Variants in WDR62 observed in about 807,000 individuals in gnomAD.
WDR62 encodes WD repeat-containing protein 62.
WDR62 carries 112 observed loss-of-function variants against 160.6 expected under a neutral mutation model. The observed-to-expected ratio is 0.70, with a 90% CI of 0.60 to 0.82. The LOEUF is 0.82. Ranked by LOEUF, WDR62 falls within the 40% of genes least tolerant of loss-of-function variation. The pLI is 0.00. For missense variants in WDR62, 1,819 were observed against 1,983.8 expected (o/e 0.92, Z 1.58); for synonymous variants, 792 against 815.1 (o/e 0.97, Z 0.48).
chr19:36,109,749 ACAAAAC>A (rs1973772891), downstream of WDR62, among the ~76,000 whole-genome samples: 6 of 145,638 alleles, frequency 4.1e-5, no homozygotes, highest in African/African-American at 1.5e-4. Context: ...ACAAAACAAA[ACAAAAC>A]AAAAAAAATA....
chr19:36,094,114 G>C lies in WDR62; in HGVS notation c.2417G>C (p.Cys806Ser), dbSNP rs1335628357. 1 of 1,614,204 alleles carries C rather than the reference G, an allele frequency of 6.2e-7. No homozygotes were observed. Among genetic ancestry groups the C allele is most frequent in the Non-Finnish European group, 8.5e-7 (1 of 1,180,028 alleles). The change falls in exon 20 of 32, where the codon TGT (cysteine) becomes TCT (serine). Residue 806 changes from cysteine to serine, a missense_variant. Coordinates refer to ENST00000401500, the MANE Select transcript of WDR62 (RefSeq NM_001083961.2). The stretch of plus-strand genomic sequence containing the variant: ...ACAGAGGATGATCTGGAGGAAGAGT[G>C]TGAGCCAGAAGAGATGCTGAAGACA... ...EQTEDDLEEE[C>S]EPEEMLKTPS...
At chr19:36,080,692 T>A (rs1599790281) in intron 9 of WDR62, among the ~76,000 whole-genome samples, 1 of 151,938 alleles carries the variant, frequency 6.6e-6, no homozygotes. Context: ...TGACCTCAGG[T>A]GATCCGCCCA....
At chr19:36,058,388 C>CA (rs1212207940) in intron 1 of WDR62, among the ~76,000 whole-genome samples, 6 of 152,318 alleles carry the variant, frequency 3.9e-5, no homozygotes, top group East Asian at 1.9e-4. Flanking sequence ...AACTTATTCA[C>CA]AGGTCACCTT....
intron 12 of WDR62, 66 bp downstream of exon 12, chr19:36,084,810 A>G: frequency 6.8e-7 from 1 of 1,465,670 alleles, no homozygotes; most frequent in South Asian, 1.1e-5. Context: ...AGGGCCACAG[A>G]AAGGGGTAGT....
rs760031538 is a variant in WDR62 at position 36,067,340 on chromosome 19, G to A, written c.596G>A (p.Cys199Tyr). ...DIVVASNKVS[C>Y]RVIALSFSED... is the part of the protein sequence containing the mutation. The stretch of plus-strand genomic sequence containing the variant: ...GTAGTGGCCTCCAACAAGGTATCTT[G>A]TAGAGTCATTGCCCTCTCCTTCTCA... Residue 199 changes from cysteine to tyrosine, a missense_variant, in exon 6 of 32, where the codon TGT becomes TAT. Cys to Tyr is a radical substitution (Grantham distance 194). Around this residue, in one of 3 missense-constraint regions of WDR62, gnomAD observed 934 missense variants for 1,157.2 expected, o/e 0.81. Coordinates refer to ENST00000401500, the MANE Select transcript of WDR62 (RefSeq NM_001083961.2). 3 of 1,614,076 alleles carry A rather than the reference G, an allele frequency of 1.9e-6. No individual in the cohort carries two copies. The highest frequency in any genetic ancestry group is 1.7e-5 in the Admixed American group (1 of 60,010).
the WDR62 span, among the ~76,000 whole-genome samples, chr19:36,110,276 G>A: frequency 1.3e-5 from 2 of 152,072 alleles, no homozygotes; most frequent in Admixed American, 1.3e-4. Context: ...TTCAAGACTA[G>A]CCTGGCCAAC....
At chr19:36,056,344 G>A (rs1304532683) in intron 1 of WDR62, among the ~76,000 whole-genome samples, 1 of 152,074 alleles carries the variant, frequency 6.6e-6, no homozygotes, top group Non-Finnish European at 1.5e-5. Context: ...TGGCTACAGG[G>A]CTCTGGCTGT....
intron 6 of WDR62, 115 bp from the exon 7 acceptor site, chr19:36,067,713 C>T (rs562042312): frequency 1.6e-6 from 2 of 1,263,128 alleles, no homozygotes; most frequent in East Asian, 2.4e-5. Context: ...GTTTTCTTCC[C>T]TTCTCCATTT....
At chr19:36,086,392 T>C (rs796856345) in intron 12 of WDR62, among the ~76,000 whole-genome samples, 2 of 152,248 alleles carry the variant, frequency 1.3e-5, no homozygotes, top group African/African-American at 4.8e-5. Context: ...GCAAGAGCGC[T>C]GGGCTCTGCT....
At chr19:36,093,823 T>C (rs1379241361) in intron 19 of WDR62, among the ~76,000 whole-genome samples, 2 of 152,230 alleles carry the variant, frequency 1.3e-5, no homozygotes, top group African/African-American at 4.8e-5. Flanking sequence ...CATTCGTTTG[T>C]AGCCTGGCCT....
chr19:36,095,268 G>A (rs1197384940), intron 20 of WDR62, among the ~76,000 whole-genome samples: 1 of 152,120 alleles, frequency 6.6e-6, no homozygotes, highest in Non-Finnish European at 1.5e-5. Context: ...TTTACTAGGG[G>A]AAAAGATACC....
chr19:36,098,576 AAAG>A (rs1973120847), intron 21 of WDR62, among the ~76,000 whole-genome samples: 1 of 151,926 alleles, frequency 6.6e-6, no homozygotes. Flanking sequence ...AAAAAAAAAA[AAAG>A]AAAGACAATG....
intron 15 of WDR62, among the ~76,000 whole-genome samples, chr19:36,089,956 T>C (rs1219484359): frequency 6.6e-6 from 1 of 152,214 alleles, no homozygotes; most frequent in Non-Finnish European, 1.5e-5. Flanking sequence ...CAGGCCCTCC[T>C]TCATGGAGCT....
At chr19:36,099,769 C>A (rs2145848813) in intron 22 of WDR62, 152 bp downstream of exon 22, 1 of 777,572 alleles carries the variant, frequency 1.3e-6, no homozygotes, top group Non-Finnish European at 2.1e-6. Flanking sequence ...TGTTGCACAG[C>A]AAGACTTCCC....
At position 36,092,758 on chromosome 19, in the gene WDR62, C is replaced by T. The variant is rs1217463920; in HGVS notation, c.2280C>T (p.Asp760=). The T allele has an allele frequency of 1.2e-6, 2 of 1,614,060 alleles. No homozygotes were observed. The highest frequency in any genetic ancestry group is 1.7e-6 in the Non-Finnish European group (2 of 1,180,016). The part of the protein sequence containing the change: ...NCMKQHLLEI[D]HRQQQQHTND... ...TGAAGCAGCACTTGCTGGAGATTGA[C>T]CACCGGCAGCAGCAGCAGCACACAA... is the stretch of plus-strand genomic sequence containing the variant. Residue 760 remains aspartate, a synonymous_variant, in exon 19 of 32, where the codon GAC becomes GAT. Transcript: ENST00000401500.
At chr19:36,098,271 A>G (rs1040083309) in intron 21 of WDR62, among the ~76,000 whole-genome samples, 7 of 152,072 alleles carry the variant, frequency 4.6e-5, no homozygotes, top group African/African-American at 1.4e-4. Context: ...CTTAAAAAAA[A>G]AAAAAGAAAA....
chr19:36,105,146 CTCT>C (rs1484939144), downstream of WDR62: 5 of 1,341,934 alleles, frequency 3.7e-6, no homozygotes, highest in Non-Finnish European at 5.1e-6. Context: ...CCACAAAGCC[CTCT>C]TCAAGTGGAA....
chr19:36,101,432 A>G, intron 24 of WDR62, 115 bp downstream of exon 24: 1 of 1,018,864 alleles, frequency 9.8e-7, no homozygotes, highest in Non-Finnish European at 1.5e-6. Context: ...GTCGAGGAAG[A>G]CACATGTGGT....
chr19:36,055,282 C>T (rs1970298434), intron 1 of WDR62, 134 bp downstream of exon 1: 1 of 901,380 alleles, frequency 1.1e-6, no homozygotes, highest in Admixed American at 2.3e-5. Context: ...GCCTCGTCCC[C>T]TAACCCCCGC....
Sources: allele counts gnomAD v4.1 joint callset (sites outside exome capture counted in the v4.1 genomes callset), GRCh38; gene constraint gnomAD v4.1.1; regional missense constraint gnomAD v4.1.1; transcripts MANE v1.5; gene names NCBI Gene and HGNC (gene_info 2026-07-23, HGNC 2026-07-21).